The following SLC35D4 variants were observed in gnomAD, a reference collection of about 807,000 sequenced individuals.
The protein encoded by SLC35D4 is solute carrier family 35 member D4, also known as UDP-N-acetylglucosamine transporter SLC35D4.
At chr18:23,385,105 C>A in the SLC35D4 span, 3 of 1,578,870 alleles carry the variant, frequency 1.9e-6, no homozygotes, top group South Asian at 2.3e-5. Flanking sequence ...AAAATATTTT[C>A]TTCGATCTCA....
the SLC35D4 span, among the ~76,000 whole-genome samples, chr18:23,353,076 A>ATGTGT: frequency 7.9e-6 from 1 of 126,524 alleles, no homozygotes; most frequent in Admixed American, 8.2e-5. Flanking sequence ...TGAGACAGAC[A>ATGTGT]GTGTGTGTGT....
At chr18:23,313,031 G>T in the SLC35D4 span, among the ~76,000 whole-genome samples, 716 of 149,642 alleles carry the variant, frequency 4.8e-3, 5 homozygotes, top group African/African-American at 0.017. Flanking sequence ...GGAGGCTGAG[G>T]CAGGAGAATC....
the SLC35D4 span, chr18:23,257,603 G>A: frequency 6.8e-5 from 30 of 441,618 alleles, no homozygotes; most frequent in East Asian, 1.2e-3. Flanking sequence ...GCTGAGAACA[G>A]AGAGGCCCTG....
chr18:23,428,043 T>C, the SLC35D4 span, among the ~76,000 whole-genome samples: 3 of 151,864 alleles, frequency 2.0e-5, no homozygotes, highest in African/African-American at 4.8e-5. Context: ...AGGGGAGGGA[T>C]AGCATTAGGA....
the SLC35D4 span, among the ~76,000 whole-genome samples, chr18:23,414,789 A>G: frequency 6.6e-6 from 1 of 151,974 alleles, no homozygotes; most frequent in Non-Finnish European, 1.5e-5. Context: ...CATCATGGAC[A>G]ATATAGCAAG....
the SLC35D4 span, among the ~76,000 whole-genome samples, chr18:23,347,948 C>T: frequency 6.6e-6 from 1 of 152,000 alleles, no homozygotes; most frequent in African/African-American, 2.4e-5. Flanking sequence ...GATTTGAGAC[C>T]TTCATTCATT....
chr18:23,309,578 C>T, the SLC35D4 span: 1 of 992,526 alleles, frequency 1.0e-6, no homozygotes, highest in African/African-American at 1.6e-5. Flanking sequence ...AGATACACAG[C>T]CAACGCACAC....
At chr18:23,332,735 G>A in the SLC35D4 span, among the ~76,000 whole-genome samples, 1 of 149,900 alleles carries the variant, frequency 6.7e-6, no homozygotes, top group Admixed American at 6.6e-5. Context: ...GGTCCGCTGA[G>A]ATACTTCAAA....
chr18:23,405,005 A>C, the SLC35D4 span, among the ~76,000 whole-genome samples: 5 of 149,672 alleles, frequency 3.3e-5, no homozygotes, highest in Non-Finnish European at 7.4e-5. Flanking sequence ...AAAAAAAAAA[A>C]AAAAAAAAAA....
chr18:23,401,420 G>A, the SLC35D4 span, among the ~76,000 whole-genome samples: 4 of 152,200 alleles, frequency 2.6e-5, no homozygotes, highest in Admixed American at 6.5e-5. Context: ...CACTAGTCGT[G>A]CTGTAATAGA....
the SLC35D4 span, among the ~76,000 whole-genome samples, chr18:23,398,641 T>G: frequency 2.6e-5 from 4 of 152,252 alleles, no homozygotes; most frequent in Non-Finnish European, 5.9e-5. Context: ...GATTATTTAA[T>G]TTCAAAATTA....
At chr18:23,328,041 A>T in the SLC35D4 span, among the ~76,000 whole-genome samples, 1 of 152,238 alleles carries the variant, frequency 6.6e-6, no homozygotes, top group African/African-American at 2.4e-5. Flanking sequence ...TTAGGTATTG[A>T]TGGGACGTAT....
the SLC35D4 span, among the ~76,000 whole-genome samples, chr18:23,290,309 A>G: frequency 6.6e-6 from 1 of 152,224 alleles, no homozygotes; most frequent in African/African-American, 2.4e-5. Flanking sequence ...CCCAGGGCCA[A>G]TGGGGGCCTG....
the SLC35D4 span, among the ~76,000 whole-genome samples, chr18:23,338,092 C>T: frequency 6.6e-6 from 1 of 152,194 alleles, no homozygotes; most frequent in African/African-American, 2.4e-5. Context: ...GATCACAGAA[C>T]AGCCAGCAGG....
At chr18:23,394,212 A>G in the SLC35D4 span, among the ~76,000 whole-genome samples, 193 of 152,284 alleles carry the variant, frequency 1.3e-3, 1 homozygote, top group African/African-American at 4.3e-3. Context: ...CATCTTTACC[A>G]ACACTTGTTA....
the SLC35D4 span, among the ~76,000 whole-genome samples, chr18:23,322,412 T>C: frequency 6.6e-6 from 1 of 152,368 alleles, no homozygotes; most frequent in Non-Finnish European, 1.5e-5. Flanking sequence ...AGAATTCAAG[T>C]ACCAAAACTC....
chr18:23,318,129 T>C, the SLC35D4 span, among the ~76,000 whole-genome samples: 57,572 of 152,124 alleles, frequency 0.38, 12,566 homozygotes, highest in Admixed American at 0.52. Context: ...ATTCTAGCCA[T>C]ACTAGTGGGT....
At chr18:23,402,580 G>A in the SLC35D4 span, among the ~76,000 whole-genome samples, 1 of 151,198 alleles carries the variant, frequency 6.6e-6, no homozygotes, top group Non-Finnish European at 1.5e-5. Context: ...CAAAATGGAA[G>A]GATAATTTGA....
At chr18:23,241,226 T>TA in the SLC35D4 span, among the ~76,000 whole-genome samples, 1 of 152,042 alleles carries the variant, frequency 6.6e-6, no homozygotes, top group Admixed American at 6.6e-5. Flanking sequence ...TTTTTTTTTT[T>TA]AATTGCTGAG....
Sources: allele counts gnomAD v4.1 joint callset (sites outside exome capture counted in the v4.1 genomes callset), GRCh38; gene constraint gnomAD v4.1.1; transcripts MANE v1.5; gene names NCBI Gene and HGNC (gene_info 2026-07-23, HGNC 2026-07-21).